RPF2: variants seen among roughly 807,000 people sequenced by gnomAD.
RPF2 encodes the protein ribosome production factor 2 homolog, also known as brix domain containing 1.
Under a neutral mutation model 38.9 loss-of-function variants are expected in RPF2, and 21 were observed. The observed-to-expected ratio is 0.54, with a 90% CI of 0.38 to 0.78. The LOEUF (loss-of-function observed/expected upper bound fraction) is 0.78. Among genes scored for constraint, RPF2 ranks in the 30% least tolerant of loss-of-function variants. The pLI is 0.00. For synonymous variants in RPF2, 121 were observed against 126.2 expected, an observed-to-expected ratio of 0.96 and a Z score of 0.28; for missense variants, 314 against 358.1, an observed-to-expected ratio of 0.88 and a Z score of 0.99.
At chr6:110,997,070 G>A in intron 4 of RPF2, 113 bp from the exon 5 acceptor site, 1 of 678,798 alleles carries the variant, frequency 1.5e-6, no homozygotes, top group South Asian at 1.6e-5. Flanking sequence ...CCAAGTGCTG[G>A]GATTACAGGT....
At chr6:111,000,627 T>C (rs955468267) in intron 6 of RPF2, among the ~76,000 whole-genome samples, 1 of 152,228 alleles carries the variant, frequency 6.6e-6, no homozygotes. Flanking sequence ...AAGAGTGTTC[T>C]AACTCAGCTC....
At position 111,020,613 on chromosome 6, in the gene RPF2, T is replaced by C. The variant is rs528412188; in HGVS notation, c.597-3570T>C. ...GTGGTGGCTCATGCCTGTAATCCAG[T>C]ACTTTGGGAGGCCAAGATGGGTGGA... On this transcript the variant is annotated intron_variant, in intron 8 of 9. Coordinates refer to ENST00000441448, the MANE Select transcript of RPF2 (RefSeq NM_032194.3). Among the ~76,000 whole-genome samples, 286 of 152,044 alleles carry C rather than the reference T, an allele frequency of 1.9e-3. 1 individual carries two copies. The South Asian group carries it at 0.027, about 14-fold the overall frequency.
chr6:111,011,271 G>A (rs1459786157), intron 7 of RPF2, among the ~76,000 whole-genome samples: 1 of 148,974 alleles, frequency 6.7e-6, no homozygotes, highest in Non-Finnish European at 1.5e-5. Context: ...AATTATCAAG[G>A]GTATTTTTCT....
Position 111,019,050 on chromosome 6 carries a change from A to T in RPF2, c.596+3194A>T, listed in dbSNP as rs1051068040. Among the ~76,000 whole-genome samples, 8 of 151,844 alleles carry T rather than the reference A, an allele frequency of 5.3e-5. No homozygotes were observed. The South Asian group carries it at 1.7e-3, about 32-fold the overall frequency. On this transcript the variant is annotated intron_variant, in intron 8 of 9. Coordinates refer to ENST00000441448, the MANE Select transcript of RPF2 (RefSeq NM_032194.3). ...GGCCAACACAGCGAAACCTGTCTCTACTAAAAATACAAAAATTAGCTGGAC... is the reference window on the plus strand; with the variant it reads ...GGCCAACACAGCGAAACCTGTCTCTTCTAAAAATACAAAAATTAGCTGGAC...
rs373269652 is a variant in RPF2, at chr6:110,993,424, G to C, written c.234+1638G>C. Reference sequence around the variant, plus strand: ...AAAATTAAGATAGTATTGATAAAATGCATTTTACTCAGTTTTTTTCAAATT... The same window carrying C: ...AAAATTAAGATAGTATTGATAAAATCCATTTTACTCAGTTTTTTTCAAATT... On this transcript the variant is annotated intron_variant, in intron 4 of 9. Transcript: ENST00000441448. Among the ~76,000 whole-genome samples, 5 of 152,068 alleles carry C rather than the reference G, an allele frequency of 3.3e-5. No individual in the cohort carries two copies. In the East Asian group the frequency reaches 5.8e-4, roughly 18 times the overall value.
intron 8 of RPF2, among the ~76,000 whole-genome samples, chr6:111,023,904 C>T (rs967309662): frequency 6.6e-5 from 10 of 151,994 alleles, no homozygotes; most frequent in Non-Finnish European, 1.2e-4. Flanking sequence ...AGGAGAATGG[C>T]GTGAACCTGG....
chr6:111,010,443 ATCT>A (rs750682471), intron 7 of RPF2, among the ~76,000 whole-genome samples: 3 of 152,128 alleles, frequency 2.0e-5, no homozygotes, highest in African/African-American at 7.2e-5. Flanking sequence ...ATTTAAGAAA[ATCT>A]TCTTACTGAA....
Position 111,015,782 on chromosome 6 carries a change from T to A in RPF2, c.522T>A (p.Asn174Lys), listed in dbSNP as rs1380874343. Residue 174 changes from asparagine (N) to lysine (K), a missense_variant, in exon 8 of 10, where the codon AAT becomes AAA. By Grantham distance (94) the Asn-to-Lys change is moderately conservative. Coordinates refer to ENST00000441448, the MANE Select transcript of RPF2 (RefSeq NM_032194.3). ...IDFFRGPTVS[N>K]IRLAGLEYVL... is the part of the protein sequence containing the mutation. ...TCTTCAGAGGCCCCACAGTATCAAA[T>A]ATCCGCCTGGCTGGATTAGAGTATG... 1 of 1,612,254 alleles carries A rather than the reference T, an allele frequency of 6.2e-7. No homozygotes were observed. Among genetic ancestry groups the A allele is most frequent in the Admixed American group, 1.7e-5 (1 of 60,012 alleles).
chr6:110,986,985 G>A (rs1771536256), intron 2 of RPF2, among the ~76,000 whole-genome samples: 1 of 151,648 alleles, frequency 6.6e-6, no homozygotes, highest in African/African-American at 2.4e-5. Flanking sequence ...AGTATGTGGA[G>A]ATATCTAGTA....
Position 111,012,149 on chromosome 6 carries a change from A to AT in RPF2, c.494-3602dup, listed in dbSNP as rs565270320. ...AAGATACCCATTTTGTTCATTCTTA[A>AT]TTTGTTTACATCATTTTTTTTTTTT... On this transcript the variant is annotated intron_variant, in intron 7 of 9. Transcript: ENST00000441448. Among the ~76,000 whole-genome samples, 9 of 144,990 alleles carry AT rather than the reference A, an allele frequency of 6.2e-5. No homozygotes were observed. The South Asian group carries it at 1.7e-3, about 28-fold the overall frequency.
intron 8 of RPF2, among the ~76,000 whole-genome samples, chr6:111,016,683 C>CTTTTTT (rs1397812113): frequency 1.1e-4 from 12 of 105,934 alleles, no homozygotes; most frequent in South Asian, 6.0e-4. Flanking sequence ...TTTTTTTTTT[C>CTTTTTT]TTTCTTTTTT....
intron 4 of RPF2, among the ~76,000 whole-genome samples, chr6:110,996,098 G>A (rs3904928): frequency 0.091 from 13,751 of 150,716 alleles, 697 homozygotes; most frequent in Middle Eastern, 0.13. Context: ...GATTACAGAC[G>A]TGAGCCACTG....
rs567746354 is a variant in RPF2, at chr6:111,018,344, A to G, written c.596+2488A>G. ...TCCTAAAGAATACACTGACTCCCACAAATTGCCTTTCTCTGTACATTGAGT... is the reference window on the plus strand; with the variant it reads ...TCCTAAAGAATACACTGACTCCCACGAATTGCCTTTCTCTGTACATTGAGT... On this transcript the variant is annotated intron_variant, in intron 8 of 9. Transcript: ENST00000441448. Among the ~76,000 whole-genome samples, 314 of 152,294 alleles carry G rather than the reference A, an allele frequency of 2.1e-3. 2 individuals carry two copies. The highest frequency in any genetic ancestry group is 7.3e-3 in the African/African-American group (302 of 41,562).
chr6:111,021,092 C>T (rs1010756309), intron 8 of RPF2, among the ~76,000 whole-genome samples: 2 of 152,104 alleles, frequency 1.3e-5, no homozygotes. Context: ...TTGCTTGAAC[C>T]ACGGAGTCGG....
intron 4 of RPF2, among the ~76,000 whole-genome samples, chr6:110,995,112 C>T (rs1421837395): frequency 6.6e-6 from 1 of 151,980 alleles, no homozygotes; most frequent in Non-Finnish European, 1.5e-5. Flanking sequence ...GCCACGTTGC[C>T]TGGGCTGGTC....
At chr6:111,024,664 G>T (rs1226713685) in intron 9 of RPF2, among the ~76,000 whole-genome samples, 1 of 141,968 alleles carries the variant, frequency 7.0e-6, no homozygotes, top group Non-Finnish European at 1.5e-5. Context: ...AGTGAGCAGA[G>T]ATCACGCCAT....
At chr6:111,012,916 C>T (rs1235690711) in intron 7 of RPF2, among the ~76,000 whole-genome samples, 3 of 152,170 alleles carry the variant, frequency 2.0e-5, no homozygotes, top group Non-Finnish European at 2.9e-5. Context: ...GTGATCCACT[C>T]ATCTTGGCCT....
chr6:111,024,700 G>A (rs1772293025), intron 9 of RPF2, among the ~76,000 whole-genome samples: 1 of 125,720 alleles, frequency 8.0e-6, no homozygotes, highest in Non-Finnish European at 1.6e-5. Flanking sequence ...GTGACAGAGT[G>A]AGCCAAAAAA....
chr6:111,001,544 AT>A (rs1315025563), intron 6 of RPF2, among the ~76,000 whole-genome samples: 1 of 149,370 alleles, frequency 6.7e-6, no homozygotes, highest in Non-Finnish European at 1.5e-5. Flanking sequence ...CACCTGGCTA[AT>A]TTTTTTTTTG....
Sources: allele counts gnomAD v4.1 joint callset (sites outside exome capture counted in the v4.1 genomes callset), GRCh38; gene constraint gnomAD v4.1.1; transcripts MANE v1.5; gene names NCBI Gene and HGNC (gene_info 2026-07-23, HGNC 2026-07-21).